The following SPATA6 variants were observed in gnomAD, a reference collection of about 807,000 sequenced individuals.
SPATA6 encodes spermatogenesis associated 6.
SPATA6 carries 56 observed loss-of-function variants against 65.3 expected under a neutral mutation model. The observed-to-expected ratio is 0.86, with a 90% CI of 0.69 to 1.07. SPATA6 has a LOEUF of 1.07. Among genes scored for constraint, SPATA6 ranks in the 50% least tolerant of loss-of-function variants. The probability of loss-of-function intolerance (pLI) is 0.00; values close to 1 mark genes in which losing one functional copy is unlikely to be tolerated. For missense variants in SPATA6, 590 were observed against 594.8 expected (o/e 0.99, Z 0.08); for synonymous variants, 199 against 213.2 (o/e 0.93, Z 0.58).
intron 9 of SPATA6, among the ~76,000 whole-genome samples, chr1:48,368,220 C>T (rs1193449751): frequency 1.3e-5 from 2 of 152,132 alleles, no homozygotes; most frequent in Non-Finnish European, 2.9e-5. Flanking sequence ...TCTCTGGGTG[C>T]CCTTAACATT....
intron 3 of SPATA6, among the ~76,000 whole-genome samples, chr1:48,430,278 T>A (rs1367203492): frequency 6.6e-6 from 1 of 152,090 alleles, no homozygotes; most frequent in Non-Finnish European, 1.5e-5. Flanking sequence ...TCAAAAAGAT[T>A]ATTAGCAGAT....
intron 9 of SPATA6, among the ~76,000 whole-genome samples, chr1:48,360,626 G>C (rs1344532673): frequency 6.6e-6 from 1 of 152,108 alleles, no homozygotes; most frequent in African/African-American, 2.4e-5. Flanking sequence ...CAAAAAGGTA[G>C]GTTTTAAGAA....
chr1:48,416,103 T>G (rs903679522), intron 3 of SPATA6, among the ~76,000 whole-genome samples: 2 of 152,062 alleles, frequency 1.3e-5, no homozygotes, highest in Admixed American at 1.3e-4. Context: ...CTCGGGAGGC[T>G]GAGGTAGGAG....
chr1:48,412,746 G>C (rs1348006370), intron 4 of SPATA6, among the ~76,000 whole-genome samples: 1 of 152,072 alleles, frequency 6.6e-6, no homozygotes, highest in Non-Finnish European at 1.5e-5. Context: ...AGCCTCCCGA[G>C]TAGTTGGGAT....
chr1:48,400,654 T>G, intron 6 of SPATA6: 1 of 468,120 alleles, frequency 2.1e-6, no homozygotes, highest in Non-Finnish European at 3.4e-6. Context: ...AAAATACAAA[T>G]GTGAATAGGA....
intron 3 of SPATA6, among the ~76,000 whole-genome samples, chr1:48,445,658 T>TC (rs1655972981): frequency 5.4e-5 from 1 of 18,658 alleles, no homozygotes; most frequent in Admixed American, 9.9e-4. Context: ...AGACTCTGTC[T>TC]CAAAAAAAAA....
At position 48,411,546 on chromosome 1, in the gene SPATA6, A is replaced by T; in HGVS notation, c.323T>A (p.Phe108Tyr). ...CATTTGGTTTGGACCCGGAAACATG[A>T]AATCTCGTGTATTTTCGTCATACGT... Reference protein sequence around the residue: ...LSTYDENTRDFMFPGPNQMSG... With the variant: ...LSTYDENTRDYMFPGPNQMSG... The change falls in exon 5 of 13, where the codon TTC becomes TAC. Residue 108 changes from phenylalanine (F) to tyrosine (Y), a missense_variant. Coordinates refer to ENST00000371847, the MANE Select transcript of SPATA6 (RefSeq NM_019073.4). 1 of 1,610,458 alleles carries T rather than the reference A, an allele frequency of 6.2e-7. No homozygotes were observed. The highest frequency in any genetic ancestry group is 8.5e-7 in the Non-Finnish European group (1 of 1,178,280).
At chr1:48,450,732 C>T (rs1162334232) in intron 3 of SPATA6, among the ~76,000 whole-genome samples, 2 of 152,232 alleles carry the variant, frequency 1.3e-5, no homozygotes, top group South Asian at 2.1e-4. Context: ...AGACAATGGG[C>T]CAGACTCTTC....
the SPATA6 span, among the ~76,000 whole-genome samples, chr1:48,277,887 T>A: frequency 0.026 from 4,019 of 152,258 alleles, 181 homozygotes; most frequent in African/African-American, 0.092. Flanking sequence ...CTCAAGTGGG[T>A]CCCTGACCAC....
intron 5 of SPATA6, among the ~76,000 whole-genome samples, chr1:48,409,606 C>T (rs955699976): frequency 2.0e-5 from 3 of 152,246 alleles, no homozygotes; most frequent in Admixed American, 1.3e-4. Flanking sequence ...GAGCACCTCG[C>T]CCCTGCAGCA....
At chr1:48,451,832 T>C (rs1002084347) in intron 2 of SPATA6, among the ~76,000 whole-genome samples, 2 of 152,202 alleles carry the variant, frequency 1.3e-5, no homozygotes, top group Non-Finnish European at 2.9e-5. Context: ...GTTACCATGA[T>C]CATACCAGGC....
chr1:48,277,712 G>A, the SPATA6 span, among the ~76,000 whole-genome samples: 2 of 152,230 alleles, frequency 1.3e-5, no homozygotes, highest in African/African-American at 2.4e-5. Flanking sequence ...ACAGCTCAAG[G>A]AGGCCTGCCT....
At chr1:48,354,253 G>A (rs1646593968) in intron 11 of SPATA6, among the ~76,000 whole-genome samples, 1 of 151,978 alleles carries the variant, frequency 6.6e-6, no homozygotes, top group South Asian at 2.1e-4. Flanking sequence ...AAAGAAGTAG[G>A]GAGGATGTGA....
the SPATA6 span, among the ~76,000 whole-genome samples, chr1:48,285,017 A>G: frequency 1.3e-5 from 2 of 152,158 alleles, no homozygotes; most frequent in Non-Finnish European, 2.9e-5. Flanking sequence ...AGTCTGCTGA[A>G]GCTGCGCCCA....
intron 3 of SPATA6, among the ~76,000 whole-genome samples, chr1:48,432,312 A>T (rs1654478008): frequency 6.6e-6 from 1 of 152,150 alleles, no homozygotes; most frequent in South Asian, 2.1e-4. Context: ...TGAAAATGTT[A>T]AAATTTCGTG....
At chr1:48,360,277 A>T (rs1262850842) in intron 9 of SPATA6, among the ~76,000 whole-genome samples, 1 of 132,772 alleles carries the variant, frequency 7.5e-6, no homozygotes, top group Non-Finnish European at 1.8e-5. Flanking sequence ...AGAAGAGATA[A>T]ATGTAAAACA....
intron 3 of SPATA6, among the ~76,000 whole-genome samples, chr1:48,440,660 G>C (rs1483320352): frequency 6.6e-6 from 1 of 152,154 alleles, no homozygotes; most frequent in African/African-American, 2.4e-5. Flanking sequence ...CTCAGGGAAA[G>C]GAAGAAAATC....
At chr1:48,323,891 G>A (rs553748384) in intron 11 of SPATA6, among the ~76,000 whole-genome samples, 11 of 152,150 alleles carry the variant, frequency 7.2e-5, no homozygotes, top group East Asian at 1.9e-4. Context: ...CACAGGGCTC[G>A]ATGGATTCAC....
chr1:48,298,858 T>A lies in SPATA6; in HGVS notation c.1322A>T (p.Asp441Val), dbSNP rs766695219. The A allele has an allele frequency of 1.2e-6, 2 of 1,613,536 alleles. No individual in the cohort carries two copies. The highest frequency in any genetic ancestry group is 1.7e-6 in the Non-Finnish European group (2 of 1,179,860). Residue 441 changes from aspartate to valine, a missense_variant, in exon 13 of 13, where the codon GAT (aspartate) becomes GTT (valine). Physicochemically the swap from Asp to Val is radical, Grantham distance 152. Transcript: ENST00000371847. ...CQQPRGTFHL[D>V]DGEYWSNRAA... The stretch of plus-strand genomic sequence containing the variant: ...CCTGTTGGACCAGTATTCACCGTCA[T>A]CCAAATGGAAAGTGCCACGTGGCTG...
Sources: allele counts gnomAD v4.1 joint callset (sites outside exome capture counted in the v4.1 genomes callset), GRCh38; gene constraint gnomAD v4.1.1; transcripts MANE v1.5; gene names NCBI Gene and HGNC (gene_info 2026-07-23, HGNC 2026-07-21).